MYO16: variants seen among roughly 807,000 people sequenced by gnomAD.
MYO16 encodes the protein unconventional myosin-XVI.
MYO16 carries 94 observed loss-of-function variants against 205.3 expected under a neutral mutation model. That is an observed-to-expected ratio of 0.46 (90% confidence interval 0.39 to 0.54). MYO16 has a LOEUF of 0.54. Among genes scored for constraint, MYO16 ranks in the 20% least tolerant of loss-of-function variants. The probability of loss-of-function intolerance (pLI) is 0.00; values close to 1 mark genes in which losing one functional copy is unlikely to be tolerated. For synonymous variants in MYO16, 988 were observed against 954.0 expected (o/e 1.04, Z -0.66); for missense variants, 2,315 against 2,387.5 (o/e 0.97, Z 0.63).
intron 1 of MYO16, among the ~76,000 whole-genome samples, chr13:108,634,141 C>T (rs899333263): frequency 6.6e-6 from 1 of 152,152 alleles, no homozygotes; most frequent in African/African-American, 2.4e-5. Flanking sequence ...CCCAGGCAGG[C>T]AGCACTCTCC....
chr13:109,055,598 A>T lies in MYO16; in HGVS notation c.3335+3A>T. On this transcript the variant is annotated splice_donor_region_variant and intron_variant, in intron 27 of 34. Transcript: ENST00000457511. The surrounding 1 kb of genome is among the most constrained non-coding windows in gnomAD (Gnocchi z 5.0). ...TCCTTCTCGGATTTCCTGTCAAGGT[A>T]AATTCTTCTGCTCTTAAAATCGTCG... 6.2e-7 allele frequency: 1 copy of T among 1,606,308 alleles called. No individual in the cohort carries two copies. The highest frequency in any genetic ancestry group is 1.7e-5 in the Admixed American group (1 of 59,884).
chr13:108,754,516 G>A (rs556865277), intron 4 of MYO16, among the ~76,000 whole-genome samples: 8 of 128,152 alleles, frequency 6.2e-5, no homozygotes, highest in Admixed American at 1.4e-4. Flanking sequence ...AGGTTTTGGC[G>A]TGTGTGTGTG....
chr13:108,982,562 T>C (rs1884480962), intron 20 of MYO16, among the ~76,000 whole-genome samples: 1 of 152,222 alleles, frequency 6.6e-6, no homozygotes, highest in Non-Finnish European at 1.5e-5. Context: ...AAATTTTGTC[T>C]ACATGCATAT....
At chr13:109,178,429 C>A (rs1238771596) in intron 33 of MYO16, among the ~76,000 whole-genome samples, 1 of 152,154 alleles carries the variant, frequency 6.6e-6, no homozygotes, top group Non-Finnish European at 1.5e-5. Flanking sequence ...CTGAGGAACT[C>A]TCTCCTATAA....
intron 4 of MYO16, among the ~76,000 whole-genome samples, chr13:108,740,465 C>A (rs1308817356): frequency 6.6e-6 from 1 of 152,168 alleles, no homozygotes; most frequent in Non-Finnish European, 1.5e-5. Context: ...TGCTGAACAG[C>A]AAATGTTGCT....
At chr13:108,816,895 G>T (rs889100789) in intron 7 of MYO16, among the ~76,000 whole-genome samples, 3 of 152,114 alleles carry the variant, frequency 2.0e-5, no homozygotes, top group African/African-American at 7.2e-5. Context: ...GTTAAACAAT[G>T]CAGTAATAAA....
At chr13:109,151,082 C>T (rs1232692224) in intron 32 of MYO16, among the ~76,000 whole-genome samples, 1 of 152,232 alleles carries the variant, frequency 6.6e-6, no homozygotes, top group Non-Finnish European at 1.5e-5. Context: ...AGAGAAAAAC[C>T]TATTTCCCAA....
intron 12 of MYO16, among the ~76,000 whole-genome samples, chr13:108,881,196 A>C (rs1325629005): frequency 6.6e-6 from 1 of 152,210 alleles, no homozygotes; most frequent in Non-Finnish European, 1.5e-5. Flanking sequence ...GTGGACCTCC[A>C]GCAAATTTCA....
chr13:108,669,355 C>T (rs953928735), intron 2 of MYO16, among the ~76,000 whole-genome samples: 1 of 151,770 alleles, frequency 6.6e-6, no homozygotes, highest in Non-Finnish European at 1.5e-5. Flanking sequence ...TTGTTGGGAG[C>T]AAGAATTTTA....
intron 34 of MYO16, among the ~76,000 whole-genome samples, chr13:109,202,362 A>G (rs940245885): frequency 2.6e-5 from 4 of 152,066 alleles, no homozygotes; most frequent in Non-Finnish European, 5.9e-5. Context: ...CTATGCCAAC[A>G]TTTATTATTT....
rs575330313 is a variant in MYO16, at chr13:109,046,871, G to A, written c.2797-45G>A. ...TCCTTTAAAGGAATTTATTTTCACA[G>A]TCATGTTGAATCATTAGTAATTATG... On this transcript the variant is annotated intron_variant, in intron 23 of 34. Transcript: ENST00000457511. 228 of 1,458,086 alleles carry A rather than the reference G, an allele frequency of 1.6e-4. No homozygotes were observed. In the Admixed American group the frequency reaches 1.6e-3, roughly 10 times the overall value. 90.3% of individuals were successfully genotyped at this position (1,458,086 alleles called of 1,614,324 possible). A position where few individuals can be genotyped will look rare whatever the true frequency, so the allele number is the denominator to read the frequency against.
chr13:108,857,480 C>G (rs1440465724), intron 11 of MYO16, among the ~76,000 whole-genome samples: 1 of 152,088 alleles, frequency 6.6e-6, no homozygotes, highest in African/African-American at 2.4e-5. Flanking sequence ...GTGTTGGTAT[C>G]AAATGGTGAA....
At chr13:109,104,802 C>T (rs762813783) in intron 28 of MYO16, among the ~76,000 whole-genome samples, 28 of 152,110 alleles carry the variant, frequency 1.8e-4, no homozygotes, top group Non-Finnish European at 4.4e-5. Flanking sequence ...TACAGTATAC[C>T]GAGTTTTGCT....
the MYO16 span, among the ~76,000 whole-genome samples, chr13:108,550,219 C>T: frequency 6.6e-6 from 1 of 152,280 alleles, no homozygotes; most frequent in African/African-American, 2.4e-5. Context: ...GGGGGTGCTA[C>T]TGCCATGGCG....
At chr13:108,595,037 C>T (rs1467258825), upstream of MYO16, among the ~76,000 whole-genome samples, 1 of 152,140 alleles carries the variant, frequency 6.6e-6, no homozygotes, top group African/African-American at 2.4e-5. Flanking sequence ...TTATTCCTTT[C>T]CTGACTTTAA....
At chr13:108,948,788 A>C (rs919751024) in intron 16 of MYO16, among the ~76,000 whole-genome samples, 3 of 152,206 alleles carry the variant, frequency 2.0e-5, no homozygotes, top group African/African-American at 7.2e-5. Flanking sequence ...TCCATGGCTT[A>C]ATCTTACTTA....
At chr13:108,694,050 T>C (rs1372287553) in intron 2 of MYO16, among the ~76,000 whole-genome samples, 1 of 152,232 alleles carries the variant, frequency 6.6e-6, no homozygotes, top group Non-Finnish European at 1.5e-5. Context: ...TCATCCATTT[T>C]TATGGCCACA....
chr13:109,023,410 A>G (rs1260683261), intron 23 of MYO16, among the ~76,000 whole-genome samples: 1 of 84,768 alleles, frequency 1.2e-5, no homozygotes, highest in Non-Finnish European at 2.1e-5. Context: ...TTTATATATT[A>G]TACAGATATA....
chr13:109,072,712 G>A (rs186677693), intron 27 of MYO16, among the ~76,000 whole-genome samples: 148 of 152,222 alleles, frequency 9.7e-4, no homozygotes, highest in African/African-American at 3.4e-3. Flanking sequence ...AACATGGATG[G>A]CGGAGTTGGG....
Sources: allele counts gnomAD v4.1 joint callset (sites outside exome capture counted in the v4.1 genomes callset), GRCh38; gene constraint gnomAD v4.1.1; non-coding constraint Gnocchi (gnomAD v3.1); transcripts MANE v1.5; gene names NCBI Gene and HGNC (gene_info 2026-07-23, HGNC 2026-07-21).